Variants in RYR3 observed in about 807,000 individuals in gnomAD.
RYR3 encodes the protein ryanodine receptor 3, also known as brain ryanodine receptor-calcium release channel.
A neutral mutation model predicts 584.3 loss-of-function variants in RYR3; 207 were observed. The ratio of observed to expected loss-of-function variants is 0.35; its 90% CI spans 0.32 to 0.40. The LOEUF (loss-of-function observed/expected upper bound fraction) is 0.40, where lower values mean the gene tolerates loss of function less well. RYR3 is among the 10% of genes least tolerant of loss of function. The pLI is 1.00. For synonymous variants in RYR3, 2,416 were observed against 2,248.5 expected, an observed-to-expected ratio of 1.07 and a Z score of -2.11; for missense variants, 5,616 against 6,089.2, an observed-to-expected ratio of 0.92 and a Z score of 2.59.
At chr15:33,761,132 C>G (rs113353131) in intron 60 of RYR3, among the ~76,000 whole-genome samples, 29 of 152,224 alleles carry the variant, frequency 1.9e-4, no homozygotes, top group African/African-American at 7.0e-4. Context: ...ATACCAAATG[C>G]CCACAGGAGA....
chr15:33,635,545 C>G, intron 25 of RYR3, 69 bp from the exon 26 acceptor site: 1 of 1,192,646 alleles, frequency 8.4e-7, no homozygotes, highest in Middle Eastern at 2.1e-4. Context: ...GTAGTGCTAC[C>G]TAATTATTGA....
At chr15:33,636,228 C>A in intron 26 of RYR3, 148 bp from the exon 27 acceptor site, 1 of 716,926 alleles carries the variant, frequency 1.4e-6, no homozygotes, top group East Asian at 2.5e-5. Flanking sequence ...ATAACATAGA[C>A]CACTCCTCCT....
chr15:33,860,732 AGGTTTTACTATTACTTAG>A (rs1184516456), intron 101 of RYR3, 73 bp downstream of exon 101: 17 of 1,141,018 alleles, frequency 1.5e-5, no homozygotes, highest in Non-Finnish European at 2.2e-5. Context: ...TTTAAACAAT[AGGTTTTACTATTACTTAG>A]GGCCAGTACT....
intron 16 of RYR3, among the ~76,000 whole-genome samples, chr15:33,596,859 C>T (rs1374470427): frequency 6.6e-6 from 1 of 152,116 alleles, no homozygotes; most frequent in African/African-American, 2.4e-5. Flanking sequence ...TGTCCCTATC[C>T]TTCTCTTCCC....
chr15:33,534,332 C>T (rs1400389007), intron 5 of RYR3, among the ~76,000 whole-genome samples: 2 of 152,210 alleles, frequency 1.3e-5, no homozygotes, highest in African/African-American at 4.8e-5. Flanking sequence ...ACCCAGGAGG[C>T]AGGGGTTGCA....
intron 3 of RYR3, among the ~76,000 whole-genome samples, chr15:33,509,703 G>C (rs2142859529): frequency 6.6e-6 from 1 of 152,300 alleles, no homozygotes; most frequent in South Asian, 2.1e-4. Flanking sequence ...CCTACAGCCA[G>C]AGTAGCCATG....
chr15:33,664,558 CAT>C (rs904304676), intron 36 of RYR3, among the ~76,000 whole-genome samples: 9 of 122,972 alleles, frequency 7.3e-5, no homozygotes, highest in Non-Finnish European at 1.0e-4. Context: ...TATTTATACA[CAT>C]ATATATATAG....
At chr15:33,656,284 C>T (rs143110935) in intron 32 of RYR3, among the ~76,000 whole-genome samples, 1,559 of 152,338 alleles carry the variant, frequency 0.01, 8 homozygotes, top group Non-Finnish European at 0.014. Flanking sequence ...TGGCATACCA[C>T]GGCAGTGCTA....
chr15:33,844,786 T>C, intron 92 of RYR3, 76 bp from the exon 93 acceptor site: 1 of 1,278,180 alleles, frequency 7.8e-7, no homozygotes, highest in East Asian at 2.4e-5. Flanking sequence ...ATGCTAACAA[T>C]ATAAAATATG....
chr15:33,567,270 T>G (rs1434597233), intron 12 of RYR3, among the ~76,000 whole-genome samples: 5 of 152,262 alleles, frequency 3.3e-5, no homozygotes, highest in African/African-American at 9.6e-5. Flanking sequence ...AATGGGAAAA[T>G]TAACGGAACT....
chr15:33,415,697 AATTT>A lies in RYR3; in HGVS notation c.52-57717_52-57714del, dbSNP rs202205021. ...TTTTATTTAGTTTTTTACAAGACAT[AATTT>A]ATTTCCTTTTTTTAAAAAAATTTAG... On this transcript the variant is annotated intron_variant, in intron 1 of 103. Transcript: ENST00000634891. 5.3e-3 allele frequency among the ~76,000 whole-genome samples: 779 copies of A among 147,624 alleles called. 4 individuals are homozygous for A. Among genetic ancestry groups the A allele is most frequent in the African/African-American group, 0.02 (742 of 37,232 alleles).
chr15:33,850,416 A>G (rs1417972801), intron 94 of RYR3: 1 of 151,198 alleles, frequency 6.6e-6, no homozygotes, highest in African/African-American at 2.5e-5. Flanking sequence ...ATTTCTAGCA[A>G]TGTATCCTAA....
chr15:33,742,468 A>G lies in RYR3; in HGVS notation c.7899+24A>G, dbSNP rs752375531. On this transcript the variant is annotated intron_variant, in intron 52 of 103. Transcript: ENST00000634891. ...AGGTAGGGATTATCATCCAACTGACAATCGTCAGGAAGGAAAAACAGCCCA... is the reference window on the plus strand; with the variant it reads ...AGGTAGGGATTATCATCCAACTGACGATCGTCAGGAAGGAAAAACAGCCCA... The G allele has an allele frequency of 3.3e-6, 5 of 1,501,384 alleles. 1 individual carries two copies. In the South Asian group the frequency reaches 4.5e-5, roughly 14 times the overall value. 93.0% of individuals were successfully genotyped at this position (1,501,384 alleles called of 1,614,324 possible). A position where few individuals can be genotyped will look rare whatever the true frequency, so the allele number is the denominator to read the frequency against.
At chr15:33,718,102 A>C (rs190925702) in intron 43 of RYR3, among the ~76,000 whole-genome samples, 1 of 152,166 alleles carries the variant, frequency 6.6e-6, no homozygotes, top group Non-Finnish European at 1.5e-5. Context: ...GATTCTCTAA[A>C]TTAATTAAAT....
chr15:33,849,348 C>G (rs1196890148), intron 94 of RYR3: 2 of 152,026 alleles, frequency 1.3e-5, no homozygotes, highest in African/African-American at 4.8e-5. Flanking sequence ...GGCTCTGACG[C>G]TTACTGGTCT....
chr15:33,688,768 C>G (rs944738874), intron 38 of RYR3, among the ~76,000 whole-genome samples: 24 of 152,108 alleles, frequency 1.6e-4, no homozygotes, highest in Non-Finnish European at 2.9e-5. Context: ...TGCTTTTACA[C>G]TGTTGGTGGA....
intron 2 of RYR3, among the ~76,000 whole-genome samples, chr15:33,480,405 G>A (rs780171415): frequency 1.3e-5 from 2 of 152,180 alleles, no homozygotes; most frequent in African/African-American, 4.8e-5. Flanking sequence ...TAACACATCA[G>A]AAGTGCTATA....
chr15:33,623,732 A>G (rs2152604013), intron 19 of RYR3, 75 bp from the exon 20 acceptor site: 7 of 1,084,988 alleles, frequency 6.5e-6, no homozygotes, highest in South Asian at 5.6e-5. Context: ...GTAGGGATTG[A>G]TCTTTAATTT....
chr15:33,361,613 G>A (rs1250143847), intron 1 of RYR3, among the ~76,000 whole-genome samples: 1 of 152,114 alleles, frequency 6.6e-6, no homozygotes, highest in Non-Finnish European at 1.5e-5. Context: ...TGTAAAATAG[G>A]GGCTAAATAA....
Sources: allele counts gnomAD v4.1 joint callset (sites outside exome capture counted in the v4.1 genomes callset), GRCh38; gene constraint gnomAD v4.1.1; transcripts MANE v1.5; gene names NCBI Gene and HGNC (gene_info 2026-07-23, HGNC 2026-07-21).